MCTP1: variants seen among roughly 807,000 people sequenced by gnomAD.
MCTP1 encodes multiple C2 and transmembrane domain-containing protein 1.
MCTP1 carries 69 observed loss-of-function variants against 120.6 expected under a neutral mutation model. That is an observed-to-expected ratio of 0.57 (90% CI 0.47 to 0.70). The LOEUF is 0.70. Ranked by LOEUF, MCTP1 falls within the 30% of genes least tolerant of loss-of-function variation. MCTP1 has a pLI of 0.00. For synonymous variants in MCTP1, 529 were observed against 493.1 expected (o/e 1.07, Z -0.96); for missense variants, 1,203 against 1,248.8 (o/e 0.96, Z 0.55).
chr5:95,162,901 A>G (rs1008520243), intron 1 of MCTP1, among the ~76,000 whole-genome samples: 5 of 152,204 alleles, frequency 3.3e-5, no homozygotes, highest in African/African-American at 1.2e-4. Flanking sequence ...GGCAGGAACT[A>G]GGATTAAATA....
At chr5:94,953,187 T>G in intron 3 of MCTP1, 32 bp downstream of exon 3, 1 of 1,557,424 alleles carries the variant, frequency 6.4e-7, no homozygotes, top group Non-Finnish European at 8.7e-7. Context: ...CCACATCAGT[T>G]TCTATCAGGA....
At chr5:95,120,553 G>A (rs972263512) in intron 1 of MCTP1, among the ~76,000 whole-genome samples, 2 of 152,156 alleles carry the variant, frequency 1.3e-5, no homozygotes, top group African/African-American at 2.4e-5. Flanking sequence ...ACAATGGGAT[G>A]CATCATACCA....
rs148165618 is a variant in MCTP1 at position 94,851,070 on chromosome 5, A to C, written c.2436+17263T>G. 1.4e-3 allele frequency among the ~76,000 whole-genome samples: 207 copies of C among 152,236 alleles called. 1 individual carries two copies. Among genetic ancestry groups the C allele is most frequent in the African/African-American group, 4.7e-3 (197 of 41,564 alleles). On this transcript the variant is annotated intron_variant, in intron 17 of 22. Transcript: ENST00000515393. ...AAGCACAGATACTAGTCCATCTTAC[A>C]ATAAAGGAATCTGATTTTCACTGGC... is the stretch of plus-strand genomic sequence containing the variant.
At chr5:95,141,476 A>G (rs1254477515) in intron 1 of MCTP1, among the ~76,000 whole-genome samples, 2 of 152,190 alleles carry the variant, frequency 1.3e-5, no homozygotes, top group African/African-American at 4.8e-5. Flanking sequence ...CTCTGGCTCA[A>G]TTTAGGTCAC....
chr5:94,771,601 C>T (rs193054540), intron 19 of MCTP1, among the ~76,000 whole-genome samples: 264 of 152,154 alleles, frequency 1.7e-3, no homozygotes, highest in African/African-American at 6.1e-3. Flanking sequence ...AAAATATTTG[C>T]TTTGTTAGAT....
At position 95,176,675 on chromosome 5, in the gene MCTP1, C is replaced by A. The variant is rs1748024383; in HGVS notation, c.720+107181G>T. Among the ~76,000 whole-genome samples the A allele has an allele frequency of 2.6e-5, 4 of 152,154 alleles. No homozygotes were observed. The South Asian group carries it at 8.3e-4, about 32-fold the overall frequency. On this transcript the variant is annotated intron_variant, in intron 1 of 22. Transcript: ENST00000515393. ...CCAGCCTGGCCAACATGCCAAAACC[C>A]TGTCTCTACTAAAAATACAAAAAAT...
At chr5:94,710,949 C>T (rs368856879) in intron 20 of MCTP1, 22 bp from the exon 21 acceptor site, 122 of 1,493,860 alleles carry the variant, frequency 8.2e-5, no homozygotes, top group Non-Finnish European at 9.9e-5. Flanking sequence ...ATTAACACAT[C>T]AGCAATCTGA....
chr5:94,947,617 GAGAGAA>G (rs1227968814), intron 3 of MCTP1, among the ~76,000 whole-genome samples: 24 of 127,274 alleles, frequency 1.9e-4, no homozygotes, highest in African/African-American at 5.6e-4. Context: ...GAGAGAGAGA[GAGAGAA>G]AGAGAGACAG....
At chr5:95,076,832 T>G (rs1288945179) in intron 1 of MCTP1, among the ~76,000 whole-genome samples, 3 of 152,220 alleles carry the variant, frequency 2.0e-5, no homozygotes, top group African/African-American at 7.2e-5. Context: ...ATGACTCCTT[T>G]GGGTCAAAGC....
At chr5:94,814,244 T>G (rs927619747) in intron 17 of MCTP1, among the ~76,000 whole-genome samples, 1 of 152,118 alleles carries the variant, frequency 6.6e-6, no homozygotes, top group African/African-American at 2.4e-5. Flanking sequence ...AATACACAAA[T>G]AAATAAATAA....
At chr5:94,805,669 T>C (rs1782120958) in intron 17 of MCTP1, among the ~76,000 whole-genome samples, 1 of 151,720 alleles carries the variant, frequency 6.6e-6, no homozygotes, top group South Asian at 2.1e-4. Context: ...AAGTATCTTA[T>C]ATCATATCAT....
At chr5:94,787,894 G>GT (rs1285070884) in intron 18 of MCTP1, among the ~76,000 whole-genome samples, 2 of 152,096 alleles carry the variant, frequency 1.3e-5, no homozygotes, top group African/African-American at 4.8e-5. Flanking sequence ...CTCCAACAAG[G>GT]TACCTATTGT....
chr5:94,849,326 T>C (rs1793159431), intron 17 of MCTP1, among the ~76,000 whole-genome samples: 1 of 152,212 alleles, frequency 6.6e-6, no homozygotes, highest in South Asian at 2.1e-4. Context: ...AACACGTTAA[T>C]AGAACAAAAC....
At chr5:94,856,493 G>T (rs1365574086) in intron 17 of MCTP1, among the ~76,000 whole-genome samples, 1 of 151,664 alleles carries the variant, frequency 6.6e-6, no homozygotes, top group African/African-American at 2.4e-5. Flanking sequence ...TGCATTAGAA[G>T]TTGGTCTCTT....
chr5:94,809,878 T>G (rs528057927), intron 17 of MCTP1, among the ~76,000 whole-genome samples: 52 of 152,132 alleles, frequency 3.4e-4, no homozygotes, highest in Non-Finnish European at 6.6e-4. Flanking sequence ...AGGATCCAAC[T>G]TTTTCTGGAA....
chr5:94,912,398 C>T (rs1165684903), intron 9 of MCTP1, among the ~76,000 whole-genome samples: 1 of 126,526 alleles, frequency 7.9e-6, no homozygotes, highest in Admixed American at 9.8e-5. Flanking sequence ...GCACTCCACA[C>T]TCCAGCCTGG....
chr5:94,949,236 T>C (rs1014924761), intron 3 of MCTP1, among the ~76,000 whole-genome samples: 3 of 152,184 alleles, frequency 2.0e-5, no homozygotes, highest in Non-Finnish European at 2.9e-5. Flanking sequence ...GATAATAGTG[T>C]CAGTGAAATA....
intron 1 of MCTP1, among the ~76,000 whole-genome samples, chr5:95,189,716 A>G (rs912351921): frequency 9.2e-5 from 14 of 152,160 alleles, no homozygotes; most frequent in African/African-American, 3.4e-4. Flanking sequence ...GGAATGAGAA[A>G]CCTAAGGTCT....
At chr5:94,720,709 T>C (rs955757832) in intron 19 of MCTP1, among the ~76,000 whole-genome samples, 1 of 152,216 alleles carries the variant, frequency 6.6e-6, no homozygotes, top group Non-Finnish European at 1.5e-5. Context: ...TTTACTTTTG[T>C]AATAAGAATA....
Sources: gnomAD v4.1 joint callset for allele counts (sites outside exome capture counted in the v4.1 genomes callset) on GRCh38, gnomAD v4.1.1 for gene constraint, MANE v1.5 for transcripts, NCBI Gene and HGNC (gene_info 2026-07-23, HGNC 2026-07-21) for gene names.